Variants in FANCL observed in about 807,000 individuals in gnomAD.
FANCL encodes the protein E3 ubiquitin-protein ligase FANCL.
A neutral mutation model predicts 59.4 loss-of-function variants in FANCL; 69 were observed. That is an observed-to-expected ratio of 1.16 (90% CI 0.96 to 1.42). The LOEUF (loss-of-function observed/expected upper bound fraction) is 1.42. Ranked by LOEUF, FANCL falls within the 40% of genes most tolerant of loss-of-function variation. FANCL has a pLI of 0.00. For synonymous variants in FANCL, 180 were observed against 147.1 expected (o/e 1.22, Z -1.62); for missense variants, 519 against 447.2 (o/e 1.16, Z -1.45).
At chr2:58,184,906 G>A (rs554481647) in intron 7 of FANCL, among the ~76,000 whole-genome samples, 22 of 152,130 alleles carry the variant, frequency 1.4e-4, no homozygotes, top group African/African-American at 4.6e-4. Context: ...ATTCTACTTC[G>A]CCTTCCACAA....
chr2:58,236,178 C>T (rs1399639250), intron 1 of FANCL, among the ~76,000 whole-genome samples: 1 of 151,530 alleles, frequency 6.6e-6, no homozygotes, highest in Non-Finnish European at 1.5e-5. Context: ...AAAGCTACAC[C>T]AAGGTACAAC....
At chr2:58,217,450 G>C (rs1205452600) in intron 5 of FANCL, among the ~76,000 whole-genome samples, 1 of 150,890 alleles carries the variant, frequency 6.6e-6, no homozygotes, top group African/African-American at 2.4e-5. Flanking sequence ...AAAGAAAATA[G>C]AGAAAAAGAG....
chr2:58,205,350 T>C (rs1481263296), intron 5 of FANCL, among the ~76,000 whole-genome samples: 1 of 146,134 alleles, frequency 6.8e-6, no homozygotes, highest in Non-Finnish European at 1.5e-5. Context: ...AAGTCTAGGG[T>C]CTTAGAAAAC....
At chr2:58,231,138 T>C (rs1037294787) in intron 2 of FANCL, among the ~76,000 whole-genome samples, 48 of 152,306 alleles carry the variant, frequency 3.2e-4, no homozygotes, top group South Asian at 6.2e-4. Context: ...AGTCTCCTTG[T>C]AAGTTCCTCT....
At chr2:58,224,353 C>G (rs1692769202) in intron 4 of FANCL, among the ~76,000 whole-genome samples, 1 of 151,830 alleles carries the variant, frequency 6.6e-6, no homozygotes, top group African/African-American at 2.4e-5. Flanking sequence ...ATATGCTTCA[C>G]TTGTTCACTT....
chr2:58,172,749 C>T (rs1686794538), intron 7 of FANCL, among the ~76,000 whole-genome samples: 1 of 152,204 alleles, frequency 6.6e-6, no homozygotes, highest in Non-Finnish European at 1.5e-5. Flanking sequence ...TCCAAAGGAA[C>T]ACAGCTCCTC....
At chr2:58,212,408 T>G (rs184216540) in intron 5 of FANCL, among the ~76,000 whole-genome samples, 1 of 152,114 alleles carries the variant, frequency 6.6e-6, no homozygotes, top group African/African-American at 2.4e-5. Flanking sequence ...AAGATGAGAT[T>G]TGGGTGGGGA....
intron 4 of FANCL, 132 bp from the exon 5 acceptor site, chr2:58,222,174 G>T: frequency 1.6e-6 from 1 of 644,874 alleles, no homozygotes; most frequent in Non-Finnish European, 2.8e-6. Flanking sequence ...CGGAAATCTG[G>T]CTGACTCATT....
Position 58,164,997 on chromosome 2 carries a change from C to G in FANCL, c.691+727G>C, listed in dbSNP as rs190777696. On this transcript the variant is annotated intron_variant, in intron 8 of 13. Coordinates refer to ENST00000233741, the MANE Select transcript of FANCL (RefSeq NM_018062.4). The stretch of plus-strand genomic sequence containing the variant: ...GATTCACATCAGAATTTCAAAATAC[C>G]CTTGAACAACATATCTATTTAGAAA... Among the ~76,000 whole-genome samples, 11 of 151,908 alleles carry G rather than the reference C, an allele frequency of 7.2e-5. No individual in the cohort carries two copies. In the East Asian group the frequency reaches 2.1e-3, roughly 29 times the overall value.
Position 58,160,180 on chromosome 2 carries a change from C to A in FANCL, c.1021-1G>T, listed in dbSNP as rs375504895. On this transcript the variant is annotated splice_acceptor_variant, in intron 12 of 13. Coordinates refer to ENST00000233741, the MANE Select transcript of FANCL (RefSeq NM_018062.4). LOFTEE classifies it high-confidence loss of function. ...TACTAGTTAGTAGTCCTCTCAGCCACTGCAAATTTTAAAAGATAAAGGAGA... is the reference window on the plus strand; with the variant it reads ...TACTAGTTAGTAGTCCTCTCAGCCAATGCAAATTTTAAAAGATAAAGGAGA... 1 of 1,612,492 alleles carries A rather than the reference C, an allele frequency of 6.2e-7. No individual in the cohort carries two copies. Among genetic ancestry groups the A allele is most frequent in the South Asian group, 1.1e-5 (1 of 91,042 alleles).
chr2:58,222,221 G>C lies in FANCL; in HGVS notation c.274-179C>G, dbSNP rs1236852923. Among the ~76,000 whole-genome samples, 5 of 151,846 alleles carry C rather than the reference G, an allele frequency of 3.3e-5. No homozygotes were observed. In the South Asian group the frequency reaches 8.3e-4, roughly 25 times the overall value. ...GAAAAAGAGACAAGAAAAAGTTAAA[G>C]GACTGCACTGAAGGTCATGCAAAAT... On this transcript the variant is annotated intron_variant, in intron 4 of 13. Coordinates refer to ENST00000233741, the MANE Select transcript of FANCL (RefSeq NM_018062.4).
At chr2:58,181,843 C>T (rs1421533101) in intron 7 of FANCL, among the ~76,000 whole-genome samples, 1 of 151,692 alleles carries the variant, frequency 6.6e-6, no homozygotes, top group Non-Finnish European at 1.5e-5. Context: ...TTTGTTATAA[C>T]TGAGAAAGCT....
chr2:58,182,121 G>A (rs970730968), intron 7 of FANCL, among the ~76,000 whole-genome samples: 4 of 151,796 alleles, frequency 2.6e-5, no homozygotes, highest in Non-Finnish European at 5.9e-5. Context: ...TAAGTAAAAT[G>A]TAGCATTTCC....
chr2:58,238,098 A>T (rs1481509704), intron 1 of FANCL, among the ~76,000 whole-genome samples: 1 of 152,250 alleles, frequency 6.6e-6, no homozygotes, highest in Non-Finnish European at 1.5e-5. Flanking sequence ...CTGGCAGCCC[A>T]GGACAGCTCT....
chr2:58,161,646 AG>A lies in FANCL; in HGVS notation c.904-9del, dbSNP rs779011743. 1 of 1,573,074 alleles carries A rather than the reference AG, an allele frequency of 6.4e-7. No individual in the cohort carries two copies. Among genetic ancestry groups the A allele is most frequent in the Admixed American group, 1.7e-5 (1 of 59,716 alleles). ...ACAATCCATAGTAAAATCCTTCAAA[AG>A]AAAAATATTTATAAAAAGCGTATGT... On this transcript the variant is annotated splice_polypyrimidine_tract_variant and intron_variant, in intron 11 of 13. Coordinates refer to ENST00000233741, the MANE Select transcript of FANCL (RefSeq NM_018062.4).
intron 3 of FANCL, 79 bp from the exon 4 acceptor site, chr2:58,226,863 C>G: frequency 8.5e-7 from 1 of 1,180,576 alleles, no homozygotes; most frequent in Non-Finnish European, 1.2e-6. Flanking sequence ...AATGTAGGCC[C>G]AAGTGAATGT....
At chr2:58,174,385 G>C (rs1687042109) in intron 7 of FANCL, among the ~76,000 whole-genome samples, 1 of 152,060 alleles carries the variant, frequency 6.6e-6, no homozygotes, top group Admixed American at 6.6e-5. Context: ...CACATAGTTG[G>C]AAATAAAGCT....
chr2:58,233,959 C>T (rs1308561860), intron 1 of FANCL, among the ~76,000 whole-genome samples: 2 of 151,958 alleles, frequency 1.3e-5, no homozygotes, highest in African/African-American at 2.4e-5. Flanking sequence ...AATAAAAAAA[C>T]AACTCCTTCC....
At chr2:58,229,618 C>T (rs1038723950) in intron 3 of FANCL, among the ~76,000 whole-genome samples, 196 bp downstream of exon 3, 1 of 152,066 alleles carries the variant, frequency 6.6e-6, no homozygotes, top group East Asian at 1.9e-4. Context: ...AGATGGAAAT[C>T]GATTTCAACA....
Sources: gnomAD v4.1 joint callset for allele counts (sites outside exome capture counted in the v4.1 genomes callset) on GRCh38, gnomAD v4.1.1 for gene constraint, MANE v1.5 for transcripts, NCBI Gene and HGNC (gene_info 2026-07-23, HGNC 2026-07-21) for gene names.